EPN1: variants seen among roughly 807,000 people sequenced by gnomAD.
EPN1 encodes epsin-1.
In EPN1, 25 loss-of-function variants were observed where a neutral mutation model predicts 56.9. The ratio of observed to expected loss-of-function variants is 0.44; its 90% CI spans 0.32 to 0.61. The LOEUF is 0.61. Among genes scored for constraint, EPN1 ranks in the 20% least tolerant of loss-of-function variants. The pLI is 0.05. For synonymous variants in EPN1, 411 were observed against 361.8 expected (o/e 1.14, Z -1.54); for missense variants, 785 against 823.7 (o/e 0.95, Z 0.58).
chr19:55,706,283 C>CT lies in EPN1; in HGVS notation c.*10943dup, dbSNP rs933101353. 0.014 allele frequency: 1,702 copies of CT among 118,446 alleles called. 91 individuals carry two copies. The highest frequency in any genetic ancestry group is 0.1 in the Admixed American group (1,164 of 11,606). 7.3% of individuals were successfully genotyped at this position (118,446 alleles called of 1,614,324 possible). A position where few individuals can be genotyped will look rare whatever the true frequency, so the allele number is the denominator to read the frequency against. On this transcript the variant is annotated 3_prime_UTR_variant, in exon 11 of 11. Transcript: ENST00000270460. The stretch of plus-strand genomic sequence containing the variant: ...CTTCCTTTCTTCTCTTTTTCTTCTT[C>CT]TTTTTTTTTTTTTTTTAAAAGACCG...
In EPN1 at chr19:55,689,165, ACT is replaced by A; in HGVS notation, c.604-127_604-126del. ...TCACCCCGCCGTCCCTCTGCGTGTC[ACT>A]CTCTGCCTGTCCCTCACTGGTTCAG... On this transcript the variant is annotated intron_variant, in intron 4 of 10. Transcript: ENST00000270460. The surrounding 1 kb of genome is among the most constrained non-coding windows in gnomAD (Gnocchi z 5.7). The A allele has an allele frequency of 6.2e-6, 7 of 1,126,670 alleles. No homozygotes were observed. Among genetic ancestry groups the A allele is most frequent in the Non-Finnish European group, 8.8e-6 (7 of 795,350 alleles). The allele number at this position is 1,126,670 out of a possible 1,614,324, so 69.8% of individuals were successfully genotyped here. A position where few individuals can be genotyped will look rare whatever the true frequency, so the allele number is the denominator to read the frequency against.
rs1351766067 is a variant in EPN1, at chr19:55,700,820, C to T, written c.*5464C>T. 2 of 152,248 alleles carry T rather than the reference C, an allele frequency of 1.3e-5. No individual in the cohort carries two copies. 9.4% of individuals were successfully genotyped at this position (152,248 alleles called of 1,614,324 possible). The stretch of plus-strand genomic sequence containing the variant: ...GGGGGTAACCCCTACAGCAGTTAAC[C>T]CTGCGTGCTCAGAGGGGAATGAAAG... On this transcript the variant is annotated 3_prime_UTR_variant, in exon 11 of 11. Coordinates refer to ENST00000270460, the MANE Select transcript of EPN1 (RefSeq NM_001130072.2).
intron 6 of EPN1, among the ~76,000 whole-genome samples, 157 bp downstream of exon 6, chr19:55,690,107 T>C (rs1986441268): frequency 6.6e-6 from 1 of 152,158 alleles, no homozygotes; most frequent in Admixed American, 6.5e-5. Flanking sequence ...TCTGTGCCTC[T>C]CCCTCCCTGC....
chr19:55,686,043 G>A (rs567051350), intron 3 of EPN1, among the ~76,000 whole-genome samples: 9 of 152,352 alleles, frequency 5.9e-5, no homozygotes, highest in African/African-American at 1.4e-4. Context: ...GGCAGAGGGG[G>A]GCCTGGAAGA....
At position 55,707,001 on chromosome 19, in the gene EPN1, C is replaced by G. The variant is rs1987455453; in HGVS notation, c.*11645C>G. 6.6e-6 allele frequency: 1 copy of G among 152,126 alleles called. No individual in the cohort carries two copies. Among genetic ancestry groups the G allele is most frequent in the Admixed American group, 6.6e-5 (1 of 15,252 alleles). The allele number at this position is 152,126 out of a possible 1,614,324, so 9.4% of individuals were successfully genotyped here. A position where few individuals can be genotyped will look rare whatever the true frequency, so the allele number is the denominator to read the frequency against. The stretch of plus-strand genomic sequence containing the variant: ...ACCAGCCTGACCAACATGGCAAAAC[C>G]CCATCTCTACTAAAAATACCAAAAC... On this transcript the variant is annotated 3_prime_UTR_variant, in exon 11 of 11. Transcript: ENST00000270460.
rs1274759291 is a variant in EPN1 at position 55,695,060 on chromosome 19, C to T, written c.1522+77C>T. On this transcript the variant is annotated intron_variant, in intron 10 of 10. Transcript: ENST00000270460. This position sits in a 1 kb window ranked among gnomAD's most constrained non-coding sequence, Gnocchi z 4.4. ...GGAGGTGCCTCACGGGGCAGGGACA[C>T]TTCGCCCTTTGCCTGCACATGCTGG... 11 of 1,596,256 alleles carry T rather than the reference C, an allele frequency of 6.9e-6. No individual in the cohort carries two copies. The highest frequency in any genetic ancestry group is 5.1e-5 in the Admixed American group (3 of 58,374).
In EPN1 at chr19:55,691,177, C is replaced by T. The variant is rs945058976; in HGVS notation, c.763-577C>T. 6.6e-6 allele frequency among the ~76,000 whole-genome samples: 1 copy of T among 151,960 alleles called. No homozygotes were observed. ...GGGAAGACCTGCAGTGCGATGACTGCGGGGTGACAGTGGGGCAATGGGCGT... is the reference window on the plus strand; with the variant it reads ...GGGAAGACCTGCAGTGCGATGACTGTGGGGTGACAGTGGGGCAATGGGCGT... On this transcript the variant is annotated intron_variant, in intron 6 of 10. Coordinates refer to ENST00000270460, the MANE Select transcript of EPN1 (RefSeq NM_001130072.2). The surrounding 1 kb of genome is among the most constrained non-coding windows in gnomAD (Gnocchi z 5.6).
chr19:55,685,325 C>T (rs1166733411), intron 2 of EPN1, 71 bp from the exon 3 acceptor site: 111 of 1,542,590 alleles, frequency 7.2e-5, no homozygotes, highest in South Asian at 4.2e-4. Context: ...CCCCAGAGCC[C>T]GCGTCGCAGG....
chr19:55,683,882 C>G (rs1985993222), intron 2 of EPN1, among the ~76,000 whole-genome samples: 1 of 152,172 alleles, frequency 6.6e-6, no homozygotes, highest in Non-Finnish European at 1.5e-5. Context: ...TCTGTTGGTC[C>G]CACAGTAGTG....
At position 55,689,726 on chromosome 19, in the gene EPN1, T is replaced by G; in HGVS notation, c.679-141T>G. 3 of 801,078 alleles carry G rather than the reference T, an allele frequency of 3.7e-6. No homozygotes were observed. The highest frequency in any genetic ancestry group is 6.2e-6 in the Non-Finnish European group (3 of 481,414). The allele number at this position is 801,078 out of a possible 1,614,324, so 49.6% of individuals were successfully genotyped here. A position where few individuals can be genotyped will look rare whatever the true frequency, so the allele number is the denominator to read the frequency against. ...TTTGACCCAGGTGCCCCATCCCCATTTCATACATTGTCCGCATCCCATCGA... is the reference window on the plus strand; with the variant it reads ...TTTGACCCAGGTGCCCCATCCCCATGTCATACATTGTCCGCATCCCATCGA... On this transcript the variant is annotated intron_variant, in intron 5 of 10. Coordinates refer to ENST00000270460, the MANE Select transcript of EPN1 (RefSeq NM_001130072.2). The surrounding 1 kb of genome is among the most constrained non-coding windows in gnomAD (Gnocchi z 5.7).
Position 55,677,586 on chromosome 19 carries a change from T to C in EPN1, c.-101-941T>C, listed in dbSNP as rs548679846. On this transcript the variant is annotated intron_variant, in intron 1 of 10. Transcript: ENST00000270460. The stretch of plus-strand genomic sequence containing the variant: ...TTGCATGCAGTGTTGAAAAAGGTAA[T>C]GTCCCTCTTGTGCTGAGCGAGCACC... The C allele has an allele frequency of 1.1e-5, 17 of 1,548,992 alleles. No homozygotes were observed. The African/African-American group carries it at 1.5e-4, about 14-fold the overall frequency.
intron 2 of EPN1, among the ~76,000 whole-genome samples, chr19:55,682,474 G>A (rs1014837122): frequency 6.0e-5 from 9 of 150,346 alleles, no homozygotes; most frequent in South Asian, 2.1e-4. Flanking sequence ...GCTGGAGTGC[G>A]TTGACATGTT....
chr19:55,685,128 G>T (rs1035387243), intron 2 of EPN1, among the ~76,000 whole-genome samples: 1 of 152,262 alleles, frequency 6.6e-6, no homozygotes, highest in Non-Finnish European at 1.5e-5. Flanking sequence ...TCACGTCGAT[G>T]GAACCGTAGG....
In EPN1 at chr19:55,694,747, G is replaced by C. The variant is rs745697521; in HGVS notation, c.1286G>C (p.Gly429Ala). 6 of 1,581,172 alleles carry C rather than the reference G, an allele frequency of 3.8e-6. No homozygotes were observed. The African/African-American group carries it at 5.4e-5, about 14-fold the overall frequency. Reference protein sequence around the residue: ...SSAGELELLAGEVPARSPGAF... With the variant: ...SSAGELELLAAEVPARSPGAF... The stretch of plus-strand genomic sequence containing the variant: ...CCAGGAGAGCTGGAGCTGCTGGCAG[G>C]AGAGGTGCCGGCCCGAAGCCCTGGG... The change falls in exon 10 of 11, where the codon GGA becomes GCA. Residue 429 changes from glycine to alanine, a missense_variant. Coordinates refer to ENST00000270460, the MANE Select transcript of EPN1 (RefSeq NM_001130072.2). The surrounding 1 kb of genome is among the most constrained non-coding windows in gnomAD (Gnocchi z 4.2).
Position 55,695,460 on chromosome 19 carries a change from G to C in EPN1, c.*104G>C. 1 of 651,892 alleles carries C rather than the reference G, an allele frequency of 1.5e-6. No homozygotes were observed. Among genetic ancestry groups the C allele is most frequent in the Non-Finnish European group, 2.6e-6 (1 of 380,630 alleles). The allele number at this position is 651,892 out of a possible 1,614,324, so 40.4% of individuals were successfully genotyped here. The stretch of plus-strand genomic sequence containing the variant: ...GAAATGGGGGATCCCCACCCCCAGT[G>C]CCCTTCCCCTTCCTGGGGCCCACTC... On this transcript the variant is annotated 3_prime_UTR_variant, in exon 11 of 11. Coordinates refer to ENST00000270460, the MANE Select transcript of EPN1 (RefSeq NM_001130072.2). The surrounding 1 kb of genome is among the most constrained non-coding windows in gnomAD (Gnocchi z 4.4).
Position 55,678,762 on chromosome 19 carries a change from C to A in EPN1, c.135C>A (p.Asp45Glu), listed in dbSNP as rs751165306. The change falls in exon 2 of 11, where the codon GAC becomes GAA. Residue 45 changes from aspartate to glutamate, a missense_variant. Physicochemically the swap from Asp to Glu is conservative, Grantham distance 45. Coordinates refer to ENST00000270460, the MANE Select transcript of EPN1 (RefSeq NM_001130072.2). The stretch of plus-strand genomic sequence containing the variant: ...GCTCCCTCATGTCAGAGATTGCCGA[C>A]CTCACCTACAACGTTGTCGCCTTCT... ...PSSSLMSEIA[D>E]LTYNVVAFSE... 5.0e-6 allele frequency: 8 copies of A among 1,614,200 alleles called. No individual in the cohort carries two copies. In the South Asian group the frequency reaches 6.6e-5, roughly 13 times the overall value.
chr19:55,689,905 G>C lies in EPN1; in HGVS notation c.717G>C (p.Gln239His), dbSNP rs369530032. 3 of 1,606,722 alleles carry C rather than the reference G, an allele frequency of 1.9e-6. No individual in the cohort carries two copies. Among genetic ancestry groups the C allele is most frequent in the South Asian group, 2.2e-5 (2 of 89,156 alleles). Reference protein sequence around the residue: ...RIRRGDDLRLQMAIEESKRET... With the variant: ...RIRRGDDLRLHMAIEESKRET... ...GTCGCGGGGATGACCTGCGGCTGCA[G>C]ATGGCAATCGAGGAGAGCAAGAGGG... The change falls in exon 6 of 11, where the codon CAG becomes CAC. Residue 239 changes from glutamine to histidine, a missense_variant. Coordinates refer to ENST00000270460, the MANE Select transcript of EPN1 (RefSeq NM_001130072.2). This position sits in a 1 kb window ranked among gnomAD's most constrained non-coding sequence, Gnocchi z 5.7.
intron 1 of EPN1, among the ~76,000 whole-genome samples, chr19:55,676,120 G>C (rs906458507): frequency 2.0e-5 from 3 of 152,184 alleles, no homozygotes; most frequent in Non-Finnish European, 4.4e-5. Context: ...GTAGGCATTC[G>C]TAGTTCCTAC....
rs772954539 is a variant in EPN1 at position 55,693,037 on chromosome 19, G to C, written c.1264G>C (p.Gly422Arg). The C allele has an allele frequency of 4.3e-6, 7 of 1,612,318 alleles. No individual in the cohort carries two copies. Among genetic ancestry groups the C allele is most frequent in the South Asian group, 1.1e-5 (1 of 91,050 alleles). Reference protein sequence around the residue: ...TALPTSGSSAGELELLAGEVP... With the variant: ...TALPTSGSSARELELLAGEVP... ...ACTGCCGACCTCCGGGAGCAGCGCAGGTGAGCCCCTGCCCTCCCCTGCCCA... is the reference window on the plus strand; with the variant it reads ...ACTGCCGACCTCCGGGAGCAGCGCACGTGAGCCCCTGCCCTCCCCTGCCCA... The change falls in exon 9 of 11, where the codon GGA (glycine) becomes CGA (arginine). Residue 422 changes from glycine (G) to arginine (R), a missense_variant and splice_region_variant. By Grantham distance (125) the Gly-to-Arg change is moderately radical. Transcript: ENST00000270460.
Sources: allele counts gnomAD v4.1 joint callset (sites outside exome capture counted in the v4.1 genomes callset), GRCh38; gene constraint gnomAD v4.1.1; non-coding constraint Gnocchi (gnomAD v3.1); transcripts MANE v1.5; gene names NCBI Gene and HGNC (gene_info 2026-07-23, HGNC 2026-07-21).